The following RGS4 variants were observed in gnomAD, a reference collection of about 807,000 sequenced individuals.
RGS4 encodes the protein regulator of G protein signaling 4.
A neutral mutation model predicts 21.6 loss-of-function variants in RGS4; 15 were observed. The ratio of observed to expected loss-of-function variants is 0.69; its 90% CI spans 0.46 to 1.07. The LOEUF (loss-of-function observed/expected upper bound fraction) is 1.07, where lower values mean the gene tolerates loss of function less well. Among genes scored for constraint, RGS4 ranks in the 50% least tolerant of loss-of-function variants. The pLI is 0.00. For synonymous variants in RGS4, 94 were observed against 85.5 expected (o/e 1.10, Z -0.55); for missense variants, 237 against 239.0 (o/e 0.99, Z 0.06).
At position 163,074,599 on chromosome 1, in the gene RGS4, T is replaced by C. The variant is rs1454967075; in HGVS notation, c.*39T>C. 3.7e-6 allele frequency: 6 copies of C among 1,613,636 alleles called. No individual in the cohort carries two copies. In the East Asian group the frequency reaches 1.1e-4, roughly 30 times the overall value. ...GCAGAGGGATGAAATGCCAAGACTC[T>C]ATGCTCTGGAAAACCTGAGGCCAAA... On this transcript the variant is annotated 3_prime_UTR_variant, in exon 5 of 5. Coordinates refer to ENST00000367909, the MANE Select transcript of RGS4 (RefSeq NM_005613.6).
intron 1 of RGS4, among the ~76,000 whole-genome samples, chr1:163,071,632 C>A (rs748154092): frequency 2.0e-5 from 3 of 152,038 alleles, no homozygotes; most frequent in Non-Finnish European, 2.9e-5. Flanking sequence ...GCCTGCTTCT[C>A]CTAATAGCTG....
At chr1:163,071,914 A>G (rs1655328853) in intron 1 of RGS4, 3 of 935,998 alleles carry the variant, frequency 3.2e-6, no homozygotes, top group Non-Finnish European at 3.7e-6. Context: ...TACTTTCCCG[A>G]GGTGCTTCTA....
chr1:163,073,422 G>A (rs1401874823), intron 3 of RGS4, 34 bp from the exon 4 acceptor site: 3 of 1,512,692 alleles, frequency 2.0e-6, no homozygotes, highest in Non-Finnish European at 2.6e-6. Flanking sequence ...CAACCAGTGT[G>A]ATGACAACTG....
chr1:163,069,658 A>G, intron 1 of RGS4, 130 bp downstream of exon 1: 2 of 727,836 alleles, frequency 2.7e-6, no homozygotes, highest in Non-Finnish European at 4.5e-6. Flanking sequence ...CGACTTTCTA[A>G]CTTTCCTCCA....
chr1:163,071,857 C>CA (rs1350257073), intron 1 of RGS4: 2 of 18,826 alleles, frequency 1.1e-4, no homozygotes, highest in African/African-American at 2.9e-4. Flanking sequence ...AACTGCTTGC[C>CA]CCCCCCCCCC....
intron 1 of RGS4, chr1:163,070,480 T>A (rs761720726): frequency 1.1e-4 from 16 of 152,182 alleles, no homozygotes; most frequent in Non-Finnish European, 2.1e-4. Context: ...CATAATTTTT[T>A]ATGTACTATT....
chr1:163,075,779 C>G lies in RGS4; in HGVS notation c.*1219C>G, dbSNP rs1655476308. The G allele has an allele frequency of 6.6e-6, 1 of 152,034 alleles. No individual in the cohort carries two copies. The highest frequency in any genetic ancestry group is 2.1e-4 in the South Asian group (1 of 4,812). 9.4% of individuals were successfully genotyped at this position (152,034 alleles called of 1,614,324 possible). A position where few individuals can be genotyped will look rare whatever the true frequency, so the allele number is the denominator to read the frequency against. On this transcript the variant is annotated 3_prime_UTR_variant, in exon 5 of 5. Transcript: ENST00000367909. Reference sequence around the variant, plus strand: ...TGGGCTATATGCCTATATTTATAAACCAGCAGCAGGGGAAAGATTATATTT... The same window carrying G: ...TGGGCTATATGCCTATATTTATAAAGCAGCAGCAGGGGAAAGATTATATTT...
In RGS4 at chr1:163,076,334, T is replaced by C. The variant is rs1655500170; in HGVS notation, c.*1774T>C. The C allele has an allele frequency of 6.6e-6, 1 of 152,628 alleles. No individual in the cohort carries two copies. The highest frequency in any genetic ancestry group is 2.4e-5 in the African/African-American group (1 of 41,442). The allele number at this position is 152,628 out of a possible 1,614,324, so 9.5% of individuals were successfully genotyped here. On this transcript the variant is annotated 3_prime_UTR_variant, in exon 5 of 5. Coordinates refer to ENST00000367909, the MANE Select transcript of RGS4 (RefSeq NM_005613.6). ...CATACAAATCTCACTGTATTAAAGA[T>C]GCAGGTTTTCTAATTGTACCCTTCT...
At position 163,076,437 on chromosome 1, in the gene RGS4, A is replaced by G. The variant is rs551924860; in HGVS notation, c.*1877A>G. On this transcript the variant is annotated 3_prime_UTR_variant, in exon 5 of 5. Coordinates refer to ENST00000367909, the MANE Select transcript of RGS4 (RefSeq NM_005613.6). ...ATTTTCTGTTATACACAGTTCCACAATTTTGTCTCTAGTTGACTTCAAATG... is the reference window on the plus strand; with the variant it reads ...ATTTTCTGTTATACACAGTTCCACAGTTTTGTCTCTAGTTGACTTCAAATG... The G allele has an allele frequency of 1.3e-5, 2 of 152,612 alleles. No homozygotes were observed. Among genetic ancestry groups the G allele is most frequent in the Admixed American group, 6.5e-5 (1 of 15,274 alleles). The allele number at this position is 152,612 out of a possible 1,614,324, so 9.5% of individuals were successfully genotyped here.
In RGS4 at chr1:163,074,614, C is replaced by T. The variant is rs761873439; in HGVS notation, c.*54C>T. Reference sequence around the variant, plus strand: ...GCCAAGACTCTATGCTCTGGAAAACCTGAGGCCAAATATTGATCTGTATTA... The same window carrying T: ...GCCAAGACTCTATGCTCTGGAAAACTTGAGGCCAAATATTGATCTGTATTA... On this transcript the variant is annotated 3_prime_UTR_variant, in exon 5 of 5. Coordinates refer to ENST00000367909, the MANE Select transcript of RGS4 (RefSeq NM_005613.6). 77 of 1,612,928 alleles carry T rather than the reference C, an allele frequency of 4.8e-5. No homozygotes were observed. The highest frequency in any genetic ancestry group is 6.4e-5 in the Non-Finnish European group (76 of 1,179,320).
chr1:163,076,115 A>G lies in RGS4; in HGVS notation c.*1555A>G, dbSNP rs1268124558. The G allele has an allele frequency of 6.6e-6, 1 of 152,620 alleles. No individual in the cohort carries two copies. The highest frequency in any genetic ancestry group is 1.5e-5 in the Non-Finnish European group (1 of 68,044). 9.5% of individuals were successfully genotyped at this position (152,620 alleles called of 1,614,324 possible). ...TGTTTTATAAATGGAGGTACAGGAT[A>G]TCACCTGAATTATTAATGAATGCCC... On this transcript the variant is annotated 3_prime_UTR_variant, in exon 5 of 5. Coordinates refer to ENST00000367909, the MANE Select transcript of RGS4 (RefSeq NM_005613.6).
chr1:163,069,279 G>T, upstream of RGS4: 1 of 1,551,128 alleles, frequency 6.4e-7, no homozygotes. Flanking sequence ...GGAGACAGAG[G>T]AGCTGGTACT....
intron 1 of RGS4, chr1:163,072,098 G>A (rs912888538): frequency 3.0e-5 from 32 of 1,082,202 alleles, no homozygotes; most frequent in Non-Finnish European, 3.5e-5. Context: ...AAAGATATTC[G>A]GTTGGTCAAA....
At chr1:163,070,479 T>C (rs765612687) in intron 1 of RGS4, 3 of 152,192 alleles carry the variant, frequency 2.0e-5, no homozygotes, top group Admixed American at 1.3e-4. Flanking sequence ...ACATAATTTT[T>C]TATGTACTAT....
At chr1:163,068,989 C>T (rs915009388), upstream of RGS4, 1 of 1,604,548 alleles carries the variant, frequency 6.2e-7, no homozygotes, top group Admixed American at 1.7e-5. Flanking sequence ...GAGTCAGCTC[C>T]TAAGTAAGCT....
Position 163,074,831 on chromosome 1 carries a change from G to C in RGS4, c.*271G>C, listed in dbSNP as rs1655445048. ...CAAATATCTAAATAATGGCCTGGTA[G>C]GTCTGGATTTTCAAAGATTGTTGGC... On this transcript the variant is annotated 3_prime_UTR_variant, in exon 5 of 5. Coordinates refer to ENST00000367909, the MANE Select transcript of RGS4 (RefSeq NM_005613.6). 1 of 604,684 alleles carries C rather than the reference G, an allele frequency of 1.7e-6. No individual in the cohort carries two copies. Among genetic ancestry groups the C allele is most frequent in the Non-Finnish European group, 2.9e-6 (1 of 341,576 alleles). 37.5% of individuals were successfully genotyped at this position (604,684 alleles called of 1,614,324 possible).
chr1:163,070,539 C>T (rs1056711737), intron 1 of RGS4: 1 of 152,070 alleles, frequency 6.6e-6, no homozygotes, highest in Non-Finnish European at 1.5e-5. Flanking sequence ...ATGGAAGTAT[C>T]GATGGCTTCT....
Position 163,073,592 on chromosome 1 carries a change from T to G in RGS4, c.348T>G (p.Asn116Lys), listed in dbSNP as rs1455973777. 1 of 1,606,668 alleles carries G rather than the reference T, an allele frequency of 6.2e-7. No homozygotes were observed. Among genetic ancestry groups the G allele is most frequent in the Non-Finnish European group, 8.5e-7 (1 of 1,178,080 alleles). The change falls in exon 4 of 5, where the codon AAT becomes AAG. Residue 116 changes from asparagine to lysine, a missense_variant. By Grantham distance (94) the Asn-to-Lys change is moderately conservative. Coordinates refer to ENST00000367909, the MANE Select transcript of RGS4 (RefSeq NM_005613.6). ...GTCCCAAGGCCAAAAAGATCTATAA[T>G]GAATTCATCTCAGTCCAGGCAACCA... The part of the protein sequence containing the change: ...KLSPKAKKIY[N>K]EFISVQATKE...
In RGS4 at chr1:163,075,606, C is replaced by T. The variant is rs1486862829; in HGVS notation, c.*1046C>T. ...CCGTAAGTTACTGGCTGAGTGAGGG[C>T]ATAGAAGTTAAAGGTTACTGTTTTT... On this transcript the variant is annotated 3_prime_UTR_variant, in exon 5 of 5. Transcript: ENST00000367909. The T allele has an allele frequency of 6.6e-6, 1 of 152,166 alleles. No individual in the cohort carries two copies. The allele number at this position is 152,166 out of a possible 1,614,324, so 9.4% of individuals were successfully genotyped here.
Sources: allele counts gnomAD v4.1 joint callset (sites outside exome capture counted in the v4.1 genomes callset), GRCh38; gene constraint gnomAD v4.1.1; transcripts MANE v1.5; gene names NCBI Gene and HGNC (gene_info 2026-07-23, HGNC 2026-07-21).